The following UNC5C variants were observed in gnomAD, a reference collection of about 807,000 sequenced individuals.
UNC5C encodes the protein netrin receptor UNC5C.
Under a neutral mutation model 99.8 loss-of-function variants are expected in UNC5C, and 47 were observed. The observed-to-expected ratio is 0.47, with a 90% CI of 0.37 to 0.60. UNC5C has a LOEUF of 0.60. Ranked by LOEUF, UNC5C falls within the 20% of genes least tolerant of loss-of-function variation. UNC5C has a pLI of 0.00. For missense variants in UNC5C, 1,062 were observed against 1,165.9 expected (o/e 0.91, Z 1.30); for synonymous variants, 487 against 452.2 (o/e 1.08, Z -0.98).
intron 1 of UNC5C, among the ~76,000 whole-genome samples, chr4:95,513,922 T>C (rs1413204119): frequency 1.3e-5 from 2 of 152,224 alleles, no homozygotes; most frequent in Non-Finnish European, 2.9e-5. Flanking sequence ...CCTAACTTTC[T>C]TTTAAACTTT....
chr4:95,206,287 C>T (rs1737873041), intron 11 of UNC5C, among the ~76,000 whole-genome samples: 1 of 151,714 alleles, frequency 6.6e-6, no homozygotes, highest in Non-Finnish European at 1.5e-5. Flanking sequence ...GCATGAGCCA[C>T]CCCATATACA....
intron 12 of UNC5C, among the ~76,000 whole-genome samples, chr4:95,193,152 G>GAAAC (rs1273056603): frequency 6.6e-5 from 10 of 152,348 alleles, no homozygotes; most frequent in African/African-American, 2.4e-4. Context: ...ATGTTTGAGA[G>GAAAC]AAACACAGAA....
intron 7 of UNC5C, chr4:95,222,320 G>A: frequency 5.3e-6 from 6 of 1,123,328 alleles, no homozygotes; most frequent in South Asian, 1.8e-5. Context: ...AATTAATGAG[G>A]GAAAGAAAAT....
chr4:95,411,520 T>C (rs1028295545), intron 1 of UNC5C, among the ~76,000 whole-genome samples: 1 of 152,212 alleles, frequency 6.6e-6, no homozygotes, highest in Non-Finnish European at 1.5e-5. Context: ...GTTTCCTGAT[T>C]TTCAAAAATG....
intron 4 of UNC5C, among the ~76,000 whole-genome samples, chr4:95,273,892 T>C (rs932638714): frequency 6.6e-6 from 1 of 152,082 alleles, no homozygotes; most frequent in South Asian, 2.1e-4. Context: ...CCAAGATCTC[T>C]CAATAGGATT....
At chr4:95,346,631 C>A (rs1332248429) in intron 1 of UNC5C, among the ~76,000 whole-genome samples, 1 of 151,944 alleles carries the variant, frequency 6.6e-6, no homozygotes, top group African/African-American at 2.4e-5. Flanking sequence ...GTTCAACATA[C>A]ACAAATCAGT....
intron 1 of UNC5C, among the ~76,000 whole-genome samples, chr4:95,424,899 C>T (rs1746434055): frequency 6.6e-6 from 1 of 151,984 alleles, no homozygotes; most frequent in African/African-American, 2.4e-5. Flanking sequence ...AAATTCAAAC[C>T]CAGACACTTT....
intron 1 of UNC5C, among the ~76,000 whole-genome samples, chr4:95,539,950 G>T (rs1722874681): frequency 6.7e-6 from 1 of 150,090 alleles, no homozygotes; most frequent in Admixed American, 6.6e-5. Flanking sequence ...CCATGTAATA[G>T]TAAATAAACT....
chr4:95,497,302 G>C (rs76052965), intron 1 of UNC5C, among the ~76,000 whole-genome samples: 1 of 152,064 alleles, frequency 6.6e-6, no homozygotes, highest in South Asian at 2.1e-4. Flanking sequence ...CAGTGTAAAA[G>C]TGTCTGCTTT....
At chr4:95,245,561 TA>T (rs910069612) in intron 5 of UNC5C, among the ~76,000 whole-genome samples, 5 of 152,112 alleles carry the variant, frequency 3.3e-5, no homozygotes, top group African/African-American at 7.2e-5. Context: ...AATTTAGCCT[TA>T]AAAAAAAGAT....
intron 1 of UNC5C, among the ~76,000 whole-genome samples, chr4:95,534,807 G>A (rs112067473): frequency 8.8e-4 from 134 of 152,150 alleles, no homozygotes; most frequent in African/African-American, 3.1e-3. Context: ...ATACTATAAT[G>A]TGTCCCCTCG....
chr4:95,245,065 C>G lies in UNC5C; in HGVS notation c.855G>C (p.Arg285Ser). The G allele has an allele frequency of 6.2e-7, 1 of 1,614,138 alleles. No homozygotes were observed. Among genetic ancestry groups the G allele is most frequent in the Non-Finnish European group, 8.5e-7 (1 of 1,180,018 alleles). Residue 285 changes from arginine to serine, a missense_variant, in exon 6 of 16, where the codon AGG becomes AGC. By Grantham distance (110) the Arg-to-Ser change is moderately radical. Transcript: ENST00000453304. ...TGAGTGGTGCCGGGTTGGTACAAGTCCTTGTACGTTTCTGATACCCTCGTC... is the reference window on the plus strand; with the variant it reads ...TGAGTGGTGCCGGGTTGGTACAAGTGCTTGTACGTTTCTGATACCCTCGTC... ...RCGRGYQKRTRTCTNPAPLNG... is the reference protein window; with the variant it reads ...RCGRGYQKRTSTCTNPAPLNG...
chr4:95,250,992 T>C (rs1484605394), intron 4 of UNC5C, among the ~76,000 whole-genome samples: 1 of 152,246 alleles, frequency 6.6e-6, no homozygotes, highest in Admixed American at 6.5e-5. Flanking sequence ...ATGGGGAATG[T>C]GTGCTGCCAA....
intron 14 of UNC5C, among the ~76,000 whole-genome samples, chr4:95,180,963 T>G (rs180916825): frequency 6.6e-6 from 1 of 152,260 alleles, no homozygotes; most frequent in South Asian, 2.1e-4. Context: ...GTCCCATAAC[T>G]CTACAGAGTC....
intron 1 of UNC5C, among the ~76,000 whole-genome samples, chr4:95,357,563 G>A (rs28502287): frequency 0.041 from 6,288 of 152,106 alleles, 424 homozygotes; most frequent in African/African-American, 0.14. Context: ...CCAGAGGATC[G>A]CTTGAGCCCA....
intron 1 of UNC5C, among the ~76,000 whole-genome samples, chr4:95,544,049 C>T (rs1722992914): frequency 6.6e-6 from 1 of 152,100 alleles, no homozygotes; most frequent in African/African-American, 2.4e-5. Context: ...GATTTCTTTG[C>T]CAACGGTTTG....
At chr4:95,335,814 A>G (rs923139880) in intron 1 of UNC5C, among the ~76,000 whole-genome samples, 183 bp from the exon 2 acceptor site, 10 of 151,950 alleles carry the variant, frequency 6.6e-5, no homozygotes, top group Admixed American at 5.3e-4. Flanking sequence ...TATTATTCCC[A>G]TTTCTATACA....
At chr4:95,317,537 G>C (rs1249665827) in intron 2 of UNC5C, among the ~76,000 whole-genome samples, 2 of 152,174 alleles carry the variant, frequency 1.3e-5, no homozygotes, top group Non-Finnish European at 2.9e-5. Flanking sequence ...ACAATGTGGA[G>C]AAAGAACTTG....
chr4:95,507,702 C>G lies in UNC5C; in HGVS notation c.124+41032G>C, dbSNP rs190654535. ...TCTATGTATAGCCATTTATTCCTCTCGATATAGAGTCACATAATTCTAGTA... is the reference window on the plus strand; with the variant it reads ...TCTATGTATAGCCATTTATTCCTCTGGATATAGAGTCACATAATTCTAGTA... On this transcript the variant is annotated intron_variant, in intron 1 of 15. Transcript: ENST00000453304. Among the ~76,000 whole-genome samples the G allele has an allele frequency of 5.9e-5, 9 of 152,022 alleles. No homozygotes were observed. The East Asian group carries it at 1.7e-3, about 30-fold the overall frequency.
Sources: gnomAD v4.1 joint callset for allele counts (sites outside exome capture counted in the v4.1 genomes callset) on GRCh38, gnomAD v4.1.1 for gene constraint, MANE v1.5 for transcripts, NCBI Gene and HGNC (gene_info 2026-07-23, HGNC 2026-07-21) for gene names.